PPP1R12B: variants seen among roughly 807,000 people sequenced by gnomAD.
PPP1R12B encodes protein phosphatase 1 regulatory subunit 12B.
A neutral mutation model predicts 126.1 loss-of-function variants in PPP1R12B; 76 were observed. That is an observed-to-expected ratio of 0.60 (90% CI 0.50 to 0.73). The LOEUF is 0.73. Ranked by LOEUF, PPP1R12B falls within the 30% of genes least tolerant of loss-of-function variation. PPP1R12B has a pLI of 0.00. For synonymous variants in PPP1R12B, 356 were observed against 434.7 expected, an observed-to-expected ratio of 0.82 and a Z score of 2.25; for missense variants, 1,052 against 1,205.1, an observed-to-expected ratio of 0.87 and a Z score of 1.88.
intron 18 of PPP1R12B, among the ~76,000 whole-genome samples, chr1:202,497,961 A>T (rs1193404640): frequency 1.3e-5 from 2 of 152,242 alleles, no homozygotes; most frequent in Non-Finnish European, 2.9e-5. Context: ...GATCTGAGTT[A>T]TAGATTATAG....
At chr1:202,357,654 T>TA (rs1461119826) in intron 1 of PPP1R12B, among the ~76,000 whole-genome samples, 8 of 152,204 alleles carry the variant, frequency 5.3e-5, no homozygotes, top group African/African-American at 1.9e-4. Context: ...GATGGCTGCT[T>TA]ATCTAGTTTA....
Position 202,495,591 on chromosome 1 carries a change from A to G in PPP1R12B, c.2357A>G (p.Asp786Gly). ...CCAGAGAATGAAGAAGCAGATTTGG[A>G]TGAGCAGTCCTCTAAGAGGCTGTCC... ...DKNENEEADL[D>G]EQSSKRLSIR... The change falls in exon 17 of 24, where the codon GAT (aspartate) becomes GGT (glycine). Residue 786 changes from aspartate to glycine, a missense_variant. Asp to Gly is a moderately conservative substitution (Grantham distance 94). Transcript: ENST00000608999. 1.2e-6 allele frequency: 2 copies of G among 1,614,128 alleles called. No individual in the cohort carries two copies. Among genetic ancestry groups the G allele is most frequent in the South Asian group, 2.2e-5 (2 of 91,082 alleles).
chr1:202,353,438 A>C (rs1005498237), intron 1 of PPP1R12B, among the ~76,000 whole-genome samples: 1 of 151,778 alleles, frequency 6.6e-6, no homozygotes, highest in African/African-American at 2.4e-5. Flanking sequence ...TACCTCTTCA[A>C]ATTGCTTAAT....
chr1:202,374,798 C>T (rs1660895756), intron 1 of PPP1R12B, among the ~76,000 whole-genome samples: 2 of 152,188 alleles, frequency 1.3e-5, no homozygotes, highest in Admixed American at 1.3e-4. Context: ...TCTGCCTCCG[C>T]CTCCCAAAGT....
At chr1:202,496,354 C>T (rs1055002658) in intron 17 of PPP1R12B, among the ~76,000 whole-genome samples, 6 of 152,168 alleles carry the variant, frequency 3.9e-5, no homozygotes, top group Non-Finnish European at 5.9e-5. Flanking sequence ...TTGGACAAGA[C>T]GACCCTGCCT....
chr1:202,445,107 T>A, intron 12 of PPP1R12B: 4 of 1,247,262 alleles, frequency 3.2e-6, no homozygotes, highest in Non-Finnish European at 3.0e-6. Context: ...TCGCAATTCA[T>A]CTCCTGCTAC....
At chr1:202,510,927 CTATT>C (rs1558316659) in intron 18 of PPP1R12B, among the ~76,000 whole-genome samples, 2 of 144,398 alleles carry the variant, frequency 1.4e-5, no homozygotes, top group South Asian at 2.1e-4. Flanking sequence ...AATATTTATA[CTATT>C]TATTAATTTA....
intron 12 of PPP1R12B, among the ~76,000 whole-genome samples, chr1:202,444,206 T>C (rs1037277252): frequency 6.6e-6 from 1 of 152,242 alleles, no homozygotes; most frequent in African/African-American, 2.4e-5. Context: ...AGTTCATCTC[T>C]TGTGTATAGG....
At chr1:202,456,082 A>C (rs1428222993) in intron 13 of PPP1R12B, among the ~76,000 whole-genome samples, 1 of 152,046 alleles carries the variant, frequency 6.6e-6, no homozygotes, top group South Asian at 2.1e-4. Context: ...CAGCCTGGCC[A>C]ACACAGTGAA....
At chr1:202,351,913 G>A (rs755406617) in intron 1 of PPP1R12B, among the ~76,000 whole-genome samples, 14 of 152,246 alleles carry the variant, frequency 9.2e-5, no homozygotes, top group Middle Eastern at 6.8e-3. Context: ...CTTCTTTCTT[G>A]GCAGCCTTTG....
chr1:202,446,213 ACTCT>A (rs3077313), intron 12 of PPP1R12B, among the ~76,000 whole-genome samples: 10,361 of 64,672 alleles, frequency 0.16, 753 homozygotes, highest in East Asian at 0.2. Flanking sequence ...ATATTATATT[ACTCT>A]CTCTCTCTCT....
At position 202,449,072 on chromosome 1, in the gene PPP1R12B, C is replaced by T; in HGVS notation, c.1751C>T (p.Thr584Ile). Residue 584 changes from threonine (T) to isoleucine (I), a missense_variant, in exon 13 of 24, where the codon ACC (threonine) becomes ATC (isoleucine). Physicochemically the swap from Thr to Ile is moderately conservative, Grantham distance 89. Transcript: ENST00000608999. ...VSSSTPLCVI[T>I]NRPLPSTANG... ...TCTAGCACCCCGCTCTGTGTGATCA[C>T]CAATCGCCCTCTTCCTAGCACTGCC... 6.2e-7 allele frequency: 1 copy of T among 1,613,884 alleles called. No individual in the cohort carries two copies. The highest frequency in any genetic ancestry group is 1.1e-5 in the South Asian group (1 of 91,074).
At chr1:202,394,179 A>G (rs1171342952) in intron 1 of PPP1R12B, among the ~76,000 whole-genome samples, 1 of 152,060 alleles carries the variant, frequency 6.6e-6, no homozygotes, top group Non-Finnish European at 1.5e-5. Context: ...TCTACTAAAA[A>G]TACAAAAAAT....
intron 18 of PPP1R12B, among the ~76,000 whole-genome samples, chr1:202,553,451 G>A (rs556450230): frequency 6.6e-6 from 1 of 152,176 alleles, no homozygotes; most frequent in Admixed American, 6.5e-5. Context: ...AAGACTTCCA[G>A]ATTAGAGCAT....
At position 202,592,611 on chromosome 1, in the gene PPP1R12B, A is replaced by G. The variant is rs757751204; in HGVS notation, c.*12051A>G. On this transcript the variant is annotated 3_prime_UTR_variant, in exon 24 of 24. Coordinates refer to ENST00000608999, the MANE Select transcript of PPP1R12B (RefSeq NM_002481.4). The stretch of plus-strand genomic sequence containing the variant: ...TATCTTCTTTTATATATAATTAAAT[A>G]TACACGGATGGGGGCAGATGAGGCT... The G allele has an allele frequency of 1.1e-4, 17 of 152,232 alleles. No individual in the cohort carries two copies. Among genetic ancestry groups the G allele is most frequent in the African/African-American group, 1.7e-4 (7 of 41,456 alleles). The allele number at this position is 152,232 out of a possible 1,614,324, so 9.4% of individuals were successfully genotyped here.
Position 202,589,827 on chromosome 1 carries a change from C to G in PPP1R12B, c.*9267C>G, listed in dbSNP as rs1178626336. The G allele has an allele frequency of 1.3e-5, 2 of 152,304 alleles. No homozygotes were observed. Among genetic ancestry groups the G allele is most frequent in the Non-Finnish European group, 2.9e-5 (2 of 68,132 alleles). The allele number at this position is 152,304 out of a possible 1,614,324, so 9.4% of individuals were successfully genotyped here. On this transcript the variant is annotated 3_prime_UTR_variant, in exon 24 of 24. Coordinates refer to ENST00000608999, the MANE Select transcript of PPP1R12B (RefSeq NM_002481.4). ...TCATGCTCCCTCAGGTGGGCAGCTC[C>G]CATCCCTGCTTGCATTCACTGCCCC...
At chr1:202,471,291 CCA>C (rs1558269124) in intron 13 of PPP1R12B, among the ~76,000 whole-genome samples, 3 of 151,732 alleles carry the variant, frequency 2.0e-5, no homozygotes, top group African/African-American at 4.8e-5. Flanking sequence ...TACAATTATA[CCA>C]CAGTTTGTTT....
At chr1:202,378,534 CA>C (rs1661660690) in intron 1 of PPP1R12B, among the ~76,000 whole-genome samples, 1 of 152,040 alleles carries the variant, frequency 6.6e-6, no homozygotes, top group African/African-American at 2.4e-5. Flanking sequence ...GGTTGGAGTG[CA>C]ATGGTGCGTT....
At chr1:202,445,068 GA>G in intron 12 of PPP1R12B, 1 of 1,247,268 alleles carries the variant, frequency 8.0e-7, no homozygotes, top group Non-Finnish European at 1.0e-6. Context: ...TAGAAGTAGT[GA>G]CCCCACAAGT....
Sources: allele counts gnomAD v4.1 joint callset (sites outside exome capture counted in the v4.1 genomes callset), GRCh38; gene constraint gnomAD v4.1.1; transcripts MANE v1.5; gene names NCBI Gene and HGNC (gene_info 2026-07-23, HGNC 2026-07-21).